The following ENTREP2 variants were observed in gnomAD, a reference collection of about 807,000 sequenced individuals.
ENTREP2 encodes protein ENTREP2.
chr15:29,648,798 G>C, the ENTREP2 span, among the ~76,000 whole-genome samples: 1 of 151,976 alleles, frequency 6.6e-6, no homozygotes, highest in Non-Finnish European at 1.5e-5. Context: ...AATTATCTGG[G>C]CGTGGTGGCA....
chr15:29,540,400 A>T, the ENTREP2 span, among the ~76,000 whole-genome samples: 2 of 152,256 alleles, frequency 1.3e-5, no homozygotes, highest in Non-Finnish European at 2.9e-5. Flanking sequence ...TAATGTATCA[A>T]AAAGAAAGAA....
chr15:29,171,381 C>G, the ENTREP2 span, among the ~76,000 whole-genome samples: 1 of 152,124 alleles, frequency 6.6e-6, no homozygotes, highest in South Asian at 2.1e-4. Flanking sequence ...TAAACAACAC[C>G]TGTGACAGAG....
At chr15:29,184,635 A>T in the ENTREP2 span, among the ~76,000 whole-genome samples, 36 of 152,120 alleles carry the variant, frequency 2.4e-4, no homozygotes, top group Non-Finnish European at 4.6e-4. Context: ...GTGGTGGTGG[A>T]GAAGACAGCT....
the ENTREP2 span, among the ~76,000 whole-genome samples, chr15:29,625,587 G>A: frequency 6.6e-5 from 10 of 151,964 alleles, no homozygotes; most frequent in African/African-American, 2.4e-4. Context: ...GTGGAGACAG[G>A]GTTTCACCAT....
the ENTREP2 span, among the ~76,000 whole-genome samples, chr15:29,299,704 AT>A: frequency 6.6e-6 from 1 of 152,128 alleles, no homozygotes. Context: ...TAGTTAACTT[AT>A]TTAACTATAC....
chr15:29,217,830 C>G, the ENTREP2 span, among the ~76,000 whole-genome samples: 3 of 152,078 alleles, frequency 2.0e-5, no homozygotes, highest in African/African-American at 7.2e-5. Context: ...AAAGTTTTGT[C>G]ATATTACCAG....
the ENTREP2 span, among the ~76,000 whole-genome samples, chr15:29,602,660 C>T: frequency 1.3e-5 from 2 of 152,144 alleles, no homozygotes; most frequent in African/African-American, 4.8e-5. Flanking sequence ...GCCTCAGCCT[C>T]CTGAGTAGCT....
chr15:29,200,622 G>T, the ENTREP2 span, among the ~76,000 whole-genome samples: 2 of 151,602 alleles, frequency 1.3e-5, no homozygotes, highest in South Asian at 2.1e-4. Flanking sequence ...GCAATTGCGT[G>T]ATCTCACCTC....
At chr15:29,380,492 CA>C in the ENTREP2 span, among the ~76,000 whole-genome samples, 1 of 152,130 alleles carries the variant, frequency 6.6e-6, no homozygotes, top group African/African-American at 2.4e-5. Flanking sequence ...CATTATCTAT[CA>C]AAACCCAGAA....
chr15:29,256,445 T>C, the ENTREP2 span, among the ~76,000 whole-genome samples: 56 of 152,230 alleles, frequency 3.7e-4, no homozygotes, highest in Non-Finnish European at 8.1e-4. Flanking sequence ...CCAAAAACTA[T>C]TTCTCAACAT....
At chr15:29,358,586 T>C in the ENTREP2 span, among the ~76,000 whole-genome samples, 1 of 152,190 alleles carries the variant, frequency 6.6e-6, no homozygotes, top group Non-Finnish European at 1.5e-5. Flanking sequence ...GTGTCATATA[T>C]TTCATGTTTA....
the ENTREP2 span, among the ~76,000 whole-genome samples, chr15:29,175,361 G>A: frequency 6.6e-6 from 1 of 152,238 alleles, no homozygotes; most frequent in African/African-American, 2.4e-5. Flanking sequence ...ATCAACATTA[G>A]CTATGACTAT....
At chr15:29,512,967 T>C in the ENTREP2 span, among the ~76,000 whole-genome samples, 89 of 152,332 alleles carry the variant, frequency 5.8e-4, no homozygotes, top group African/African-American at 2.0e-3. Context: ...ATAAATGCTA[T>C]GGGGAATATT....
the ENTREP2 span, among the ~76,000 whole-genome samples, chr15:29,200,725 AT>A: frequency 2.0e-5 from 3 of 150,238 alleles, no homozygotes; most frequent in Non-Finnish European, 4.4e-5. Flanking sequence ...GGCCCAGCTA[AT>A]TTTTTTTGTA....
At chr15:29,559,601 C>T in the ENTREP2 span, among the ~76,000 whole-genome samples, 610 of 152,218 alleles carry the variant, frequency 4.0e-3, 5 homozygotes, top group African/African-American at 0.014. Context: ...TGCTTCCCTG[C>T]CTTTCCGGGC....
At chr15:29,379,505 G>T in the ENTREP2 span, among the ~76,000 whole-genome samples, 2 of 152,204 alleles carry the variant, frequency 1.3e-5, no homozygotes, top group African/African-American at 4.8e-5. Flanking sequence ...GAAGGTCAGT[G>T]CTGACCACCT....
chr15:29,377,850 TAATAATAATAATAAA>T, the ENTREP2 span, among the ~76,000 whole-genome samples: 11 of 140,078 alleles, frequency 7.9e-5, no homozygotes, highest in South Asian at 2.4e-4. Flanking sequence ...ATAATAATAA[TAATAATAATAATAAA>T]AAAATGAGCC....
At chr15:29,361,491 T>C in the ENTREP2 span, among the ~76,000 whole-genome samples, 1,319 of 152,344 alleles carry the variant, frequency 8.7e-3, 18 homozygotes, top group African/African-American at 0.03. Context: ...CCCATTATCT[T>C]ATACAACTTT....
the ENTREP2 span, among the ~76,000 whole-genome samples, chr15:29,263,537 T>G: frequency 2.0e-5 from 3 of 152,194 alleles, no homozygotes; most frequent in Non-Finnish European, 4.4e-5. Flanking sequence ...GCAGAGAGGA[T>G]AGTGGATTGG....
Sources: allele counts gnomAD v4.1 joint callset (sites outside exome capture counted in the v4.1 genomes callset), GRCh38; gene constraint gnomAD v4.1.1; transcripts MANE v1.5; gene names NCBI Gene and HGNC (gene_info 2026-07-23, HGNC 2026-07-21).